Variants in PIEZO2 observed in about 807,000 individuals in gnomAD.
The protein encoded by PIEZO2 is piezo type mechanosensitive ion channel component 2.
A neutral mutation model predicts 337.3 loss-of-function variants in PIEZO2; 172 were observed. The observed-to-expected ratio is 0.51, with a 90% confidence interval of 0.45 to 0.58. PIEZO2 has a LOEUF of 0.58. Ranked by LOEUF, PIEZO2 falls within the 20% of genes least tolerant of loss-of-function variation. The pLI is 0.00. For synonymous variants in PIEZO2, 1,251 were observed against 1,228.5 expected, an observed-to-expected ratio of 1.02 and a Z score of -0.38; for missense variants, 3,028 against 3,391.3, an observed-to-expected ratio of 0.89 and a Z score of 2.66.
intron 1 of PIEZO2, among the ~76,000 whole-genome samples, chr18:11,071,617 A>G (rs919918789): frequency 6.6e-6 from 1 of 152,196 alleles, no homozygotes; most frequent in Non-Finnish European, 1.5e-5. Context: ...GCTGCAGCCT[A>G]GGGGAAGGGA....
chr18:10,955,165 A>G (rs892658658), intron 3 of PIEZO2, among the ~76,000 whole-genome samples: 2 of 152,218 alleles, frequency 1.3e-5, no homozygotes, highest in Admixed American at 6.5e-5. Context: ...TTTGTGCTGG[A>G]ATTGAAATTG....
intron 1 of PIEZO2, among the ~76,000 whole-genome samples, chr18:11,135,340 C>T (rs141804747): frequency 2.8e-4 from 42 of 152,158 alleles, no homozygotes; most frequent in African/African-American, 8.4e-4. Flanking sequence ...GATGACTGTA[C>T]GATTCTGGTG....
At position 10,894,780 on chromosome 18, in the gene PIEZO2, C is replaced by T. The variant is rs2042850190; in HGVS notation, c.329+16406G>A. The T allele has an allele frequency of 6.6e-6, 1 of 152,238 alleles. No homozygotes were observed. Among genetic ancestry groups the T allele is most frequent in the African/African-American group, 2.4e-5 (1 of 41,462 alleles). The allele number at this position is 152,238 out of a possible 1,614,324, so 9.4% of individuals were successfully genotyped here. ...CTTTCGTTTCATTCCTGCTCTAAAG[C>T]TTTTTAATAAATGTTCACTCTTGCT... On this transcript the variant is annotated intron_variant, in intron 4 of 55. Coordinates refer to ENST00000674853, the MANE Select transcript of PIEZO2 (RefSeq NM_001378183.1). The surrounding 1 kb of genome is among the most constrained non-coding windows in gnomAD (Gnocchi z 4.1).
chr18:10,753,328 G>A (rs977501175), intron 27 of PIEZO2, among the ~76,000 whole-genome samples: 11 of 152,360 alleles, frequency 7.2e-5, no homozygotes, highest in Admixed American at 6.5e-4. Flanking sequence ...TTTCCCTACA[G>A]ATGGGAGGTG....
In PIEZO2 at chr18:10,834,126, C is replaced by T. The variant is rs1048956665; in HGVS notation, c.917+21227G>A. The stretch of plus-strand genomic sequence containing the variant: ...GGGTAAGTGGGGTGTCCATCACCTA[C>T]AGCGTTGATCAGTTCCTTGTGTTAG... On this transcript the variant is annotated intron_variant, in intron 7 of 55. Transcript: ENST00000674853. This position sits in a 1 kb window ranked among gnomAD's most constrained non-coding sequence, Gnocchi z 4.5. 1.8e-4 allele frequency among the ~76,000 whole-genome samples: 28 copies of T among 152,226 alleles called. No homozygotes were observed. Among genetic ancestry groups the T allele is most frequent in the African/African-American group, 6.8e-4 (28 of 41,464 alleles).
At position 10,759,248 on chromosome 18, in the gene PIEZO2, G is replaced by C. The variant is rs1181013979; in HGVS notation, c.3757+234C>G. On this transcript the variant is annotated intron_variant, in intron 26 of 55. Coordinates refer to ENST00000674853, the MANE Select transcript of PIEZO2 (RefSeq NM_001378183.1). This position sits in a 1 kb window ranked among gnomAD's most constrained non-coding sequence, Gnocchi z 5.5. The stretch of plus-strand genomic sequence containing the variant: ...GTGTGTTTGTGTGTGTGTGTTGGGG[G>C]AAGTGAAATTATGCAAGTGAATATG... 6.6e-6 allele frequency among the ~76,000 whole-genome samples: 1 copy of C among 150,896 alleles called. No homozygotes were observed. Among genetic ancestry groups the C allele is most frequent in the Admixed American group, 6.6e-5 (1 of 15,146 alleles).
chr18:11,112,896 T>G lies in PIEZO2; in HGVS notation c.64+35629A>C, dbSNP rs2039778286. ...TCCTCAGGTTCTCTCAAACAGTCTC[T>G]GGGCCCATCTAAGACTGCCTCCCAG... is the stretch of plus-strand genomic sequence containing the variant. On this transcript the variant is annotated intron_variant, in intron 1 of 55. Transcript: ENST00000674853. The surrounding 1 kb of genome is among the most constrained non-coding windows in gnomAD (Gnocchi z 4.3). Among the ~76,000 whole-genome samples, 1 of 152,200 alleles carries G rather than the reference T, an allele frequency of 6.6e-6. No individual in the cohort carries two copies. The highest frequency in any genetic ancestry group is 2.4e-5 in the African/African-American group (1 of 41,462).
chr18:10,769,108 C>T (rs780285107), intron 21 of PIEZO2, among the ~76,000 whole-genome samples: 1 of 152,140 alleles, frequency 6.6e-6, no homozygotes, highest in East Asian at 1.9e-4. Context: ...TCTTTAATAC[C>T]CTAACCCTGA....
chr18:10,696,599 A>G (rs2035099444), intron 45 of PIEZO2, 60 bp from the exon 46 acceptor site: 4 of 1,584,090 alleles, frequency 2.5e-6, no homozygotes, highest in African/African-American at 2.7e-5. Flanking sequence ...GGATGGCAGA[A>G]ATGACCAGAC....
chr18:11,147,120 C>T (rs2040830127), intron 1 of PIEZO2, among the ~76,000 whole-genome samples: 1 of 152,170 alleles, frequency 6.6e-6, no homozygotes, highest in African/African-American at 2.4e-5. Flanking sequence ...CTGAAGAATC[C>T]CTTTCCCAAA....
At chr18:10,712,180 T>G (rs190702888) in intron 39 of PIEZO2, among the ~76,000 whole-genome samples, 1 of 152,230 alleles carries the variant, frequency 6.6e-6, no homozygotes, top group African/African-American at 2.4e-5. Context: ...GCAGCACCAG[T>G]CAGCATCTCG....
At chr18:10,974,385 G>A (rs2034359620) in intron 3 of PIEZO2, among the ~76,000 whole-genome samples, 1 of 152,150 alleles carries the variant, frequency 6.6e-6, no homozygotes, top group Non-Finnish European at 1.5e-5. Context: ...CATCTGAGGG[G>A]GCTAACCTTT....
intron 3 of PIEZO2, among the ~76,000 whole-genome samples, chr18:10,919,153 T>C (rs1294516361): frequency 6.6e-6 from 1 of 152,132 alleles, no homozygotes; most frequent in African/African-American, 2.4e-5. Flanking sequence ...TAAATTTTCT[T>C]AGGTTTGTCA....
intron 4 of PIEZO2, among the ~76,000 whole-genome samples, chr18:10,900,356 A>T (rs2043014923): frequency 6.6e-6 from 1 of 152,190 alleles, no homozygotes; most frequent in African/African-American, 2.4e-5. Context: ...TACAATGATT[A>T]TATAGTATCA....
chr18:10,994,101 C>T (rs939501804), intron 2 of PIEZO2, among the ~76,000 whole-genome samples: 28 of 152,094 alleles, frequency 1.8e-4, no homozygotes, highest in African/African-American at 6.5e-4. Context: ...TGAGAGCATG[C>T]GATATTTGGT....
At chr18:11,130,599 T>G (rs879564976) in intron 1 of PIEZO2, among the ~76,000 whole-genome samples, 3 of 152,218 alleles carry the variant, frequency 2.0e-5, no homozygotes, top group Non-Finnish European at 4.4e-5. Flanking sequence ...ACACTGGACT[T>G]ATTGGAGAGA....
At chr18:11,045,996 A>C (rs1447660180) in intron 2 of PIEZO2, among the ~76,000 whole-genome samples, 1 of 152,120 alleles carries the variant, frequency 6.6e-6, no homozygotes, top group Non-Finnish European at 1.5e-5. Context: ...GCTCATTCAG[A>C]TTCTGTTAGG....
chr18:11,050,508 C>G (rs1036594810), intron 2 of PIEZO2, among the ~76,000 whole-genome samples: 5 of 132,412 alleles, frequency 3.8e-5, no homozygotes, highest in African/African-American at 1.5e-4. Flanking sequence ...GGATAAGGTG[C>G]TTTTGGTGTT....
rs950938449 is a variant in PIEZO2, at chr18:10,872,412, C to T, written c.330-997G>A. Among the ~76,000 whole-genome samples the T allele has an allele frequency of 1.3e-5, 2 of 152,108 alleles. No individual in the cohort carries two copies. Among genetic ancestry groups the T allele is most frequent in the Admixed American group, 6.5e-5 (1 of 15,270 alleles). On this transcript the variant is annotated intron_variant, in intron 4 of 55. Coordinates refer to ENST00000674853, the MANE Select transcript of PIEZO2 (RefSeq NM_001378183.1). The surrounding 1 kb of genome is among the most constrained non-coding windows in gnomAD (Gnocchi z 4.3). ...AAACGCCATCTGTGATTTTGGGAGG[C>T]GTCCAGTGGTAATGAATATGGGAAT...
Sources: allele counts gnomAD v4.1 joint callset (sites outside exome capture counted in the v4.1 genomes callset), GRCh38; gene constraint gnomAD v4.1.1; non-coding constraint Gnocchi (gnomAD v3.1); transcripts MANE v1.5; gene names NCBI Gene and HGNC (gene_info 2026-07-23, HGNC 2026-07-21).